Variants in MRRF observed in about 807,000 individuals in gnomAD.
MRRF encodes mitochondrial ribosome recycling factor, also known as ribosome-recycling factor, mitochondrial.
A neutral mutation model predicts 25.1 loss-of-function variants in MRRF; 18 were observed. The ratio of observed to expected loss-of-function variants is 0.72; its 90% CI spans 0.50 to 1.06. MRRF has a LOEUF of 1.06. MRRF is among the 50% of genes least tolerant of loss of function. The pLI is 0.00. For synonymous variants in MRRF, 113 were observed against 112.1 expected (o/e 1.01, Z -0.05); for missense variants, 323 against 319.3 (o/e 1.01, Z -0.09).
At chr9:122,281,354 G>A (rs1833083527) in intron 3 of MRRF, among the ~76,000 whole-genome samples, 1 of 152,174 alleles carries the variant, frequency 6.6e-6, no homozygotes. Flanking sequence ...GGTACCTGTG[G>A]GAGCTTGGGC....
intron 1 of MRRF, among the ~76,000 whole-genome samples, chr9:122,266,315 C>T (rs1353209242): frequency 2.6e-5 from 4 of 152,200 alleles, no homozygotes; most frequent in Non-Finnish European, 4.4e-5. Context: ...GACTACAGGA[C>T]ACTTGACCTA....
Position 122,325,758 on chromosome 9 carries a change from T to C in MRRF, c.*3141T>C, listed in dbSNP as rs1836120089. ...TCACCAGGCCCTACTCCTTTAAAATTAGGTATATATCTTTCCAGACCTCCT... is the reference window on the plus strand; with the variant it reads ...TCACCAGGCCCTACTCCTTTAAAATCAGGTATATATCTTTCCAGACCTCCT... On this transcript the variant is annotated 3_prime_UTR_variant, in exon 7 of 7. Coordinates refer to ENST00000344641, the MANE Select transcript of MRRF (RefSeq NM_138777.5). 6.7e-6 allele frequency: 1 copy of C among 150,262 alleles called. No individual in the cohort carries two copies. Among genetic ancestry groups the C allele is most frequent in the Admixed American group, 6.7e-5 (1 of 15,016 alleles). 9.3% of individuals were successfully genotyped at this position (150,262 alleles called of 1,614,324 possible).
rs995103039 is a variant in MRRF, at chr9:122,327,926, T to G, written c.*5309T>G. On this transcript the variant is annotated 3_prime_UTR_variant, in exon 7 of 7. Coordinates refer to ENST00000344641, the MANE Select transcript of MRRF (RefSeq NM_138777.5). ...GAACCATTCTGAAACTCCTTTTTTCTTATTTTTATTTTTAATTGTAAAATA... is the reference window on the plus strand; with the variant it reads ...GAACCATTCTGAAACTCCTTTTTTCGTATTTTTATTTTTAATTGTAAAATA... The G allele has an allele frequency of 2.6e-4, 40 of 152,056 alleles. No individual in the cohort carries two copies. Among genetic ancestry groups the G allele is most frequent in the African/African-American group, 8.4e-4 (35 of 41,432 alleles). The allele number at this position is 152,056 out of a possible 1,614,324, so 9.4% of individuals were successfully genotyped here. A position where few individuals can be genotyped will look rare whatever the true frequency, so the allele number is the denominator to read the frequency against.
chr9:122,279,848 A>C (rs1351969492), intron 2 of MRRF, among the ~76,000 whole-genome samples: 1 of 152,202 alleles, frequency 6.6e-6, no homozygotes, highest in Non-Finnish European at 1.5e-5. Context: ...TTTTTAATGA[A>C]TTAATGTATT....
At chr9:122,273,143 A>G (rs1038236636) in intron 2 of MRRF, among the ~76,000 whole-genome samples, 6 of 152,142 alleles carry the variant, frequency 3.9e-5, no homozygotes, top group South Asian at 4.1e-4. Context: ...CATAGTGTCA[A>G]GTTTTCTCCA....
In MRRF at chr9:122,324,345, C is replaced by G. The variant is rs1177056833; in HGVS notation, c.*1728C>G. The G allele has an allele frequency of 1.3e-5, 2 of 152,158 alleles. No individual in the cohort carries two copies. Among genetic ancestry groups the G allele is most frequent in the Admixed American group, 1.3e-4 (2 of 15,278 alleles). 9.4% of individuals were successfully genotyped at this position (152,158 alleles called of 1,614,324 possible). On this transcript the variant is annotated 3_prime_UTR_variant, in exon 7 of 7. Transcript: ENST00000344641. Reference sequence around the variant, plus strand: ...GCTGAACAGCCCAATGAAGGAGGTACACAGGGCAAGGTTGAGGGAGAGGGA... The same window carrying G: ...GCTGAACAGCCCAATGAAGGAGGTAGACAGGGCAAGGTTGAGGGAGAGGGA...
intron 1 of MRRF, among the ~76,000 whole-genome samples, chr9:122,269,398 A>G (rs1832315655): frequency 6.6e-6 from 1 of 152,070 alleles, no homozygotes; most frequent in Non-Finnish European, 1.5e-5. Flanking sequence ...TTAATAACAT[A>G]CAAGGTTTCT....
Position 122,274,290 on chromosome 9 carries a change from CAG to C in MRRF, c.184+3217_184+3218del, listed in dbSNP as rs1226951589. 2.6e-5 allele frequency among the ~76,000 whole-genome samples: 4 copies of C among 152,190 alleles called. No homozygotes were observed. The East Asian group carries it at 5.8e-4, about 22-fold the overall frequency. On this transcript the variant is annotated intron_variant, in intron 2 of 6. Coordinates refer to ENST00000344641, the MANE Select transcript of MRRF (RefSeq NM_138777.5). Reference sequence around the variant, plus strand: ...AAACAGCATGGTATGGGCATAAAAACAGACACATAGACTGTGTTAGTCTGTTC... The same window carrying C: ...AAACAGCATGGTATGGGCATAAAAACACACATAGACTGTGTTAGTCTGTTC...
intron 1 of MRRF, among the ~76,000 whole-genome samples, chr9:122,269,463 A>G (rs1213089594): frequency 6.6e-6 from 1 of 151,618 alleles, no homozygotes; most frequent in Non-Finnish European, 1.5e-5. Flanking sequence ...GGTGGCTCAC[A>G]CCTGTAATCC....
At chr9:122,300,411 T>C (rs1213305565) in intron 5 of MRRF, among the ~76,000 whole-genome samples, 1 of 152,198 alleles carries the variant, frequency 6.6e-6, no homozygotes, top group Non-Finnish European at 1.5e-5. Flanking sequence ...TTCAGCCTCC[T>C]TATCTGTAAA....
chr9:122,271,029 C>T lies in MRRF; in HGVS notation c.138C>T (p.Ala46=), dbSNP rs769371584. Residue 46 remains alanine (A), a synonymous_variant, in exon 2 of 7, where the codon GCC becomes GCT. Transcript: ENST00000344641. ...ERQHGHRQYM[A]YSAVPVRHFA... is the part of the protein sequence containing the mutation. ...AACATGGCCATAGGCAATACATGGC[C>T]TATTCAGCTGTACCAGTCCGCCATT... 6 of 1,614,204 alleles carry T rather than the reference C, an allele frequency of 3.7e-6. No individual in the cohort carries two copies. Among genetic ancestry groups the T allele is most frequent in the Non-Finnish European group, 5.1e-6 (6 of 1,180,042 alleles).
chr9:122,278,271 C>G (rs1010746192), intron 2 of MRRF, among the ~76,000 whole-genome samples: 7 of 152,128 alleles, frequency 4.6e-5, no homozygotes, highest in African/African-American at 1.4e-4. Flanking sequence ...GTGCAGCTGT[C>G]ATAAATTTCA....
rs1177289035 is a variant in MRRF at position 122,329,773 on chromosome 9, CTT to C, written c.*7157_*7158del. 3.3e-5 allele frequency: 5 copies of C among 152,350 alleles called. No homozygotes were observed. Among genetic ancestry groups the C allele is most frequent in the Non-Finnish European group, 7.3e-5 (5 of 68,126 alleles). The allele number at this position is 152,350 out of a possible 1,614,324, so 9.4% of individuals were successfully genotyped here. On this transcript the variant is annotated 3_prime_UTR_variant, in exon 7 of 7. Transcript: ENST00000344641. ...CTGGCCTCACCCGGGTCTCTAGACA[CTT>C]GGCTCAGAGGCAGAACATGGCTAAC...
rs1460804541 is a variant in MRRF at position 122,329,951 on chromosome 9, C to T, written c.*7334C>T. On this transcript the variant is annotated 3_prime_UTR_variant, in exon 7 of 7. Coordinates refer to ENST00000344641, the MANE Select transcript of MRRF (RefSeq NM_138777.5). ...GCCTGCCAGGCCTTGATACAAATGG[C>T]GTCACATTTACATGAATAACCCAGA... The T allele has an allele frequency of 2.0e-5, 3 of 152,242 alleles. No individual in the cohort carries two copies. The highest frequency in any genetic ancestry group is 2.9e-5 in the Non-Finnish European group (2 of 68,070). 9.4% of individuals were successfully genotyped at this position (152,242 alleles called of 1,614,324 possible). A position where few individuals can be genotyped will look rare whatever the true frequency, so the allele number is the denominator to read the frequency against.
chr9:122,284,623 C>G lies in MRRF; in HGVS notation c.341-546C>G, dbSNP rs1313667347. ...CCCTGTCACAGAAAATTCTTCAGCT[C>G]CAGGCAAACCAGGATGGTTGGCCAC... On this transcript the variant is annotated intron_variant, in intron 3 of 6. Coordinates refer to ENST00000344641, the MANE Select transcript of MRRF (RefSeq NM_138777.5). Among the ~76,000 whole-genome samples the G allele has an allele frequency of 3.3e-5, 5 of 152,218 alleles. No individual in the cohort carries two copies. In the East Asian group the frequency reaches 9.6e-4, roughly 29 times the overall value.
At chr9:122,300,743 G>A (rs533686056) in intron 5 of MRRF, among the ~76,000 whole-genome samples, 1 of 152,186 alleles carries the variant, frequency 6.6e-6, no homozygotes, top group East Asian at 1.9e-4. Context: ...CATTTTTACA[G>A]ATGGGAGGAG....
chr9:122,290,446 A>C (rs1444627910), intron 4 of MRRF, among the ~76,000 whole-genome samples: 1 of 152,218 alleles, frequency 6.6e-6, no homozygotes, highest in African/African-American at 2.4e-5. Context: ...GCCTCCCAAG[A>C]GGATTCTTCA....
At chr9:122,309,982 C>T (rs771215568) in intron 5 of MRRF, among the ~76,000 whole-genome samples, 4 of 152,218 alleles carry the variant, frequency 2.6e-5, no homozygotes, top group Non-Finnish European at 5.9e-5. Context: ...TGCTTCAGGG[C>T]TTCCAAAAAT....
chr9:122,297,841 A>G (rs554747322), intron 5 of MRRF, among the ~76,000 whole-genome samples: 1 of 152,342 alleles, frequency 6.6e-6, no homozygotes, highest in South Asian at 2.1e-4. Flanking sequence ...AACACACCCA[A>G]GTGACCCCTC....
Sources: gnomAD v4.1 joint callset for allele counts (sites outside exome capture counted in the v4.1 genomes callset) on GRCh38, gnomAD v4.1.1 for gene constraint, MANE v1.5 for transcripts, NCBI Gene and HGNC (gene_info 2026-07-23, HGNC 2026-07-21) for gene names.